Variants in C1orf21 observed in about 807,000 individuals in gnomAD.
C1orf21 encodes uncharacterized protein C1orf21.
A neutral mutation model predicts 18.7 loss-of-function variants in C1orf21; 3 were observed. The observed-to-expected ratio is 0.16, with a 90% CI of 0.07 to 0.42. The LOEUF (loss-of-function observed/expected upper bound fraction) is 0.42, where lower values mean the gene tolerates loss of function less well. Among genes scored for constraint, C1orf21 ranks in the 10% least tolerant of loss-of-function variants. C1orf21 has a pLI of 0.99. For synonymous variants in C1orf21, 41 were observed against 46.4 expected, an observed-to-expected ratio of 0.88 and a Z score of 0.47; for missense variants, 104 against 143.6, an observed-to-expected ratio of 0.72 and a Z score of 1.41.
At chr1:184,478,908 C>G (rs1381504944) in intron 2 of C1orf21, among the ~76,000 whole-genome samples, 3 of 152,324 alleles carry the variant, frequency 2.0e-5, no homozygotes, top group Middle Eastern at 3.4e-3. Flanking sequence ...GTGTAAATAA[C>G]TGTAGCTGCA....
intron 4 of C1orf21, 89 bp from the exon 5 acceptor site, chr1:184,598,312 C>A: frequency 8.2e-7 from 1 of 1,221,892 alleles, no homozygotes; most frequent in South Asian, 1.4e-5. Flanking sequence ...ATGTCTTCCC[C>A]AAAGTTTGGG....
intron 3 of C1orf21, among the ~76,000 whole-genome samples, chr1:184,581,570 CTTAT>C (rs1659277372): frequency 6.6e-6 from 1 of 152,066 alleles, no homozygotes; most frequent in African/African-American, 2.4e-5. Context: ...GTATATAATA[CTTAT>C]TTGAAAAACT....
At chr1:184,589,221 TTAATC>T (rs1268335991) in intron 3 of C1orf21, among the ~76,000 whole-genome samples, 3 of 152,216 alleles carry the variant, frequency 2.0e-5, no homozygotes, top group Non-Finnish European at 2.9e-5. Flanking sequence ...TTTTCAGTGT[TTAATC>T]TAAGACAACA....
chr1:184,467,538 G>T (rs963085357), intron 1 of C1orf21, among the ~76,000 whole-genome samples: 1 of 152,122 alleles, frequency 6.6e-6, no homozygotes, highest in Non-Finnish European at 1.5e-5. Context: ...TGCTGTACAG[G>T]GAGCATGTAC....
At chr1:184,429,729 A>G (rs1481599984) in intron 1 of C1orf21, among the ~76,000 whole-genome samples, 1 of 152,126 alleles carries the variant, frequency 6.6e-6, no homozygotes, top group East Asian at 1.9e-4. Flanking sequence ...TACAAAGAGT[A>G]TTTTACTTAT....
chr1:184,568,300 A>G, intron 3 of C1orf21: 2 of 372,480 alleles, frequency 5.4e-6, no homozygotes, highest in South Asian at 4.4e-5. Context: ...TTATTGTGCA[A>G]CCATCACCAC....
intron 3 of C1orf21, among the ~76,000 whole-genome samples, chr1:184,516,290 C>A (rs1267422059): frequency 8.3e-6 from 1 of 121,158 alleles, no homozygotes; most frequent in South Asian, 2.4e-4. Flanking sequence ...AATTATATGA[C>A]AAAATTAAAA....
chr1:184,525,133 A>G (rs1293225899), intron 3 of C1orf21, among the ~76,000 whole-genome samples: 1 of 152,044 alleles, frequency 6.6e-6, no homozygotes, highest in East Asian at 1.9e-4. Context: ...AACAGAAAAA[A>G]AAAACTCTTG....
chr1:184,522,504 A>C (rs1459138804), intron 3 of C1orf21, among the ~76,000 whole-genome samples: 2 of 152,110 alleles, frequency 1.3e-5, no homozygotes, highest in Non-Finnish European at 2.9e-5. Context: ...TTGTAGTGTC[A>C]GAAAGTTAGG....
At position 184,559,896 on chromosome 1, in the gene C1orf21, C is replaced by T. The variant is rs555458408; in HGVS notation, c.190-30843C>T. On this transcript the variant is annotated intron_variant, in intron 3 of 5. Coordinates refer to ENST00000235307, the MANE Select transcript of C1orf21 (RefSeq NM_030806.4). ...CCTCCCAAAGTGCTAGGATTACAGG[C>T]GTGAGCCACCGTTGCTGGCTGACTT... Among the ~76,000 whole-genome samples, 7 of 152,102 alleles carry T rather than the reference C, an allele frequency of 4.6e-5. No individual in the cohort carries two copies. The South Asian group carries it at 8.3e-4, about 18-fold the overall frequency.
chr1:184,621,386 A>AG lies in C1orf21; in HGVS notation c.*1831dup, dbSNP rs1413399871. ...TTAGGCCTTTTATCCTGCTTCTAGC[A>AG]GAAAAATGCAGGGAGAGTCAAGTAG... On this transcript the variant is annotated 3_prime_UTR_variant, in exon 6 of 6. Transcript: ENST00000235307. 1 of 152,678 alleles carries AG rather than the reference A, an allele frequency of 6.5e-6. No homozygotes were observed. The highest frequency in any genetic ancestry group is 1.5e-5 in the Non-Finnish European group (1 of 68,042). The allele number at this position is 152,678 out of a possible 1,614,324, so 9.5% of individuals were successfully genotyped here.
In C1orf21 at chr1:184,510,789, G is replaced by A. The variant is rs116518058; in HGVS notation, c.189+3107G>A. 2.6e-3 allele frequency among the ~76,000 whole-genome samples: 389 copies of A among 146,830 alleles called. 3 individuals are homozygous for A. Among genetic ancestry groups the A allele is most frequent in the African/African-American group, 8.9e-3 (366 of 41,028 alleles). ...GGAGGCTTTGAGTGGTCATAAACTG[G>A]GGATTGGTAGAATGGGATTACAATT... On this transcript the variant is annotated intron_variant, in intron 3 of 5. Transcript: ENST00000235307.
intron 5 of C1orf21, among the ~76,000 whole-genome samples, chr1:184,617,630 C>T (rs965000588): frequency 2.0e-5 from 3 of 152,160 alleles, no homozygotes; most frequent in Non-Finnish European, 1.5e-5. Flanking sequence ...AGTACACACT[C>T]CTTATGTCAG....
chr1:184,557,036 A>C (rs530043531), intron 3 of C1orf21, among the ~76,000 whole-genome samples: 6 of 152,260 alleles, frequency 3.9e-5, no homozygotes, highest in South Asian at 2.1e-4. Context: ...ATTGACAAAC[A>C]TTCTGTCAAC....
chr1:184,460,614 GTCGTCGTCTTCTTCT>G (rs1440598447), intron 1 of C1orf21, among the ~76,000 whole-genome samples: 1,480 of 127,290 alleles, frequency 0.012, 26 homozygotes, highest in African/African-American at 0.04. Flanking sequence ...TAGTATTGTC[GTCGTCGTCTTCTTCT>G]TCTTCTTCTT....
intron 1 of C1orf21, among the ~76,000 whole-genome samples, chr1:184,423,268 GAGA>G (rs1206947807): frequency 6.6e-6 from 1 of 152,218 alleles, no homozygotes; most frequent in East Asian, 1.9e-4. Flanking sequence ...TCTCATAGAA[GAGA>G]AGAATGGTCA....
chr1:184,592,644 T>C (rs1659455395), intron 4 of C1orf21, among the ~76,000 whole-genome samples: 1 of 152,206 alleles, frequency 6.6e-6, no homozygotes, highest in Non-Finnish European at 1.5e-5. Context: ...CAAAATAAAT[T>C]TGACTATTAC....
chr1:184,570,857 A>G (rs1055897871), intron 3 of C1orf21, among the ~76,000 whole-genome samples: 3 of 152,146 alleles, frequency 2.0e-5, no homozygotes, highest in African/African-American at 7.2e-5. Context: ...GTGAACTTAC[A>G]CAGGTTCTAC....
chr1:184,489,060 CT>C (rs1657775949), intron 2 of C1orf21, among the ~76,000 whole-genome samples: 1 of 152,120 alleles, frequency 6.6e-6, no homozygotes, highest in Non-Finnish European at 1.5e-5. Flanking sequence ...TCTCTTAATG[CT>C]ACAAAACCCA....
Sources: gnomAD v4.1 joint callset for allele counts (sites outside exome capture counted in the v4.1 genomes callset) on GRCh38, gnomAD v4.1.1 for gene constraint, MANE v1.5 for transcripts, NCBI Gene and HGNC (gene_info 2026-07-23, HGNC 2026-07-21) for gene names.